Variants in COL26A1 observed in about 807,000 individuals in gnomAD.
COL26A1 encodes the protein collagen alpha-1(XXVI) chain.
A neutral mutation model predicts 59.3 loss-of-function variants in COL26A1; 41 were observed. That is an observed-to-expected ratio of 0.69 (90% CI 0.54 to 0.90). The LOEUF (loss-of-function observed/expected upper bound fraction) is 0.90, where lower values mean the gene tolerates loss of function less well. Ranked by LOEUF, COL26A1 falls within the 40% of genes least tolerant of loss-of-function variation. The probability of loss-of-function intolerance (pLI) is 0.00; values close to 1 mark genes in which losing one functional copy is unlikely to be tolerated. For missense variants in COL26A1, 612 were observed against 602.3 expected, an observed-to-expected ratio of 1.02 and a Z score of -0.17; for synonymous variants, 266 against 256.0, an observed-to-expected ratio of 1.04 and a Z score of -0.37.
At chr7:101,548,300 C>T (rs971050628) in intron 8 of COL26A1, among the ~76,000 whole-genome samples, 1 of 152,150 alleles carries the variant, frequency 6.6e-6, no homozygotes, top group South Asian at 2.1e-4. Context: ...CCTCCCTGGG[C>T]CCGTGTGGGG....
intron 3 of COL26A1, among the ~76,000 whole-genome samples, chr7:101,527,731 A>C (rs112297370): frequency 0.012 from 1,857 of 151,502 alleles, 29 homozygotes; most frequent in African/African-American, 0.041. Flanking sequence ...GCAAAGGTTT[A>C]CCCCGCTGGT....
At chr7:101,463,867 T>TC (rs1491096171) in intron 3 of COL26A1, among the ~76,000 whole-genome samples, 2,432 of 106,516 alleles carry the variant, frequency 0.023, 99 homozygotes, top group African/African-American at 0.11. Context: ...TTCTCTTTTT[T>TC]CTTTTCTTTC....
intron 1 of COL26A1, among the ~76,000 whole-genome samples, chr7:101,391,812 T>C (rs2410825): frequency 0.78 from 119,215 of 152,152 alleles, 47,204 homozygotes; most frequent in Middle Eastern, 0.84. Context: ...ACCTCGGTCT[T>C]CCAAAGTGCT....
chr7:101,491,562 A>G (rs1794460590), intron 3 of COL26A1, among the ~76,000 whole-genome samples: 1 of 152,160 alleles, frequency 6.6e-6, no homozygotes, highest in South Asian at 2.1e-4. Context: ...CTGGTTGCCC[A>G]TTTTTATGGT....
At chr7:101,475,048 G>C (rs1297469439) in intron 3 of COL26A1, among the ~76,000 whole-genome samples, 2 of 152,120 alleles carry the variant, frequency 1.3e-5, no homozygotes, top group African/African-American at 4.8e-5. Context: ...CAAAAAATTA[G>C]CTGGGTGTGG....
At chr7:101,445,007 A>G (rs1793152798) in intron 2 of COL26A1, among the ~76,000 whole-genome samples, 1 of 150,508 alleles carries the variant, frequency 6.6e-6, no homozygotes, top group South Asian at 2.1e-4. Flanking sequence ...TGCCTGGCTA[A>G]TTTTTGTATT....
At chr7:101,372,450 C>T (rs1451188598) in intron 1 of COL26A1, among the ~76,000 whole-genome samples, 1 of 152,118 alleles carries the variant, frequency 6.6e-6, no homozygotes, top group Non-Finnish European at 1.5e-5. Flanking sequence ...GTGTGAGCCA[C>T]CGCACCTGGC....
intron 3 of COL26A1, among the ~76,000 whole-genome samples, chr7:101,522,801 C>T (rs1455676624): frequency 1.3e-5 from 2 of 150,326 alleles, no homozygotes; most frequent in African/African-American, 4.9e-5. Flanking sequence ...AGTTGCTCCG[C>T]ATCCTCTCTA....
chr7:101,501,743 T>C (rs1312030898), intron 3 of COL26A1, among the ~76,000 whole-genome samples: 3 of 152,226 alleles, frequency 2.0e-5, no homozygotes, highest in Admixed American at 6.5e-5. Flanking sequence ...AGGTGCATGC[T>C]CATAGAAAGT....
chr7:101,550,690 T>A (rs1166388701), intron 9 of COL26A1, among the ~76,000 whole-genome samples: 1 of 151,922 alleles, frequency 6.6e-6, no homozygotes, highest in East Asian at 1.9e-4. Context: ...GGGCACCTCA[T>A]GGTCAGCTGG....
chr7:101,440,020 G>A (rs547821793), intron 2 of COL26A1, among the ~76,000 whole-genome samples: 8 of 152,212 alleles, frequency 5.3e-5, no homozygotes, highest in African/African-American at 1.7e-4. Flanking sequence ...AATAAAATAT[G>A]TACACCCTGT....
At chr7:101,414,971 A>G (rs1792338375) in intron 1 of COL26A1, among the ~76,000 whole-genome samples, 1 of 152,196 alleles carries the variant, frequency 6.6e-6, no homozygotes, top group Non-Finnish European at 1.5e-5. Flanking sequence ...GCTATGGGCA[A>G]TGAAGTTTAA....
chr7:101,555,972 C>T (rs187065504), intron 12 of COL26A1, 101 bp downstream of exon 12: 38 of 1,028,124 alleles, frequency 3.7e-5, no homozygotes, highest in Admixed American at 8.4e-5. Context: ...GGTCTCCCTC[C>T]CTTGCCCCTA....
intron 3 of COL26A1, among the ~76,000 whole-genome samples, chr7:101,489,809 T>G (rs1050973061): frequency 3.8e-4 from 1 of 2,654 alleles, no homozygotes; most frequent in East Asian, 4.4e-3. Context: ...TTTCTTTCTT[T>G]CTTTCTTTCT....
At position 101,545,196 on chromosome 7, in the gene COL26A1, C is replaced by T. The variant is rs942392072; in HGVS notation, c.704-142C>T. 3 of 670,156 alleles carry T rather than the reference C, an allele frequency of 4.5e-6. No individual in the cohort carries two copies. In the African/African-American group the frequency reaches 5.6e-5, roughly 13 times the overall value. 41.5% of individuals were successfully genotyped at this position (670,156 alleles called of 1,614,324 possible). A position where few individuals can be genotyped will look rare whatever the true frequency, so the allele number is the denominator to read the frequency against. On this transcript the variant is annotated intron_variant, in intron 6 of 12. Coordinates refer to ENST00000313669, the MANE Select transcript of COL26A1 (RefSeq NM_001278563.3). ...CACCCCAGGACACCCCCAAGGAAGA[C>T]TGTGGATCGGAGGTCACCACTGACT... is the stretch of plus-strand genomic sequence containing the variant.
At chr7:101,471,469 T>G (rs1485919343) in intron 3 of COL26A1, among the ~76,000 whole-genome samples, 1 of 151,990 alleles carries the variant, frequency 6.6e-6, no homozygotes, top group Non-Finnish European at 1.5e-5. Flanking sequence ...CAGAATAGGC[T>G]ATCCTCAGAA....
intron 5 of COL26A1, among the ~76,000 whole-genome samples, chr7:101,540,256 G>T (rs1377921724): frequency 6.6e-6 from 1 of 152,236 alleles, no homozygotes; most frequent in East Asian, 1.9e-4. Context: ...TAGACGATCT[G>T]GTCAGGTGCA....
chr7:101,546,533 C>A (rs1236067350), intron 7 of COL26A1, among the ~76,000 whole-genome samples: 1 of 152,076 alleles, frequency 6.6e-6, no homozygotes, highest in Non-Finnish European at 1.5e-5. Flanking sequence ...TCCTCAGCCT[C>A]CCAAAGTGCT....
chr7:101,420,186 GGCTGTGCTCACAGACAAAGGCTGA>G, intron 2 of COL26A1, 87 bp downstream of exon 2: 1 of 1,525,650 alleles, frequency 6.6e-7, no homozygotes. Context: ...GGAGAGGCTG[GGCTGTGCTCACAGACAAAGGCTGA>G]GCATGCATTT....
Sources: allele counts gnomAD v4.1 joint callset (sites outside exome capture counted in the v4.1 genomes callset), GRCh38; gene constraint gnomAD v4.1.1; transcripts MANE v1.5; gene names NCBI Gene and HGNC (gene_info 2026-07-23, HGNC 2026-07-21).